The following EXOC6 variants were observed in gnomAD, a reference collection of about 807,000 sequenced individuals.
EXOC6 encodes exocyst complex component 6.
In EXOC6, 60 loss-of-function variants were observed where a neutral mutation model predicts 112.5. The ratio of observed to expected loss-of-function variants is 0.53; its 90% CI spans 0.43 to 0.66. EXOC6 has a LOEUF of 0.66. Among genes scored for constraint, EXOC6 ranks in the 30% least tolerant of loss-of-function variants. The pLI is 0.00. For synonymous variants in EXOC6, 295 were observed against 308.0 expected (o/e 0.96, Z 0.44); for missense variants, 855 against 957.1 (o/e 0.89, Z 1.41).
intron 20 of EXOC6, among the ~76,000 whole-genome samples, chr10:93,048,082 A>G (rs1381757042): frequency 6.6e-6 from 1 of 152,222 alleles, no homozygotes; most frequent in Non-Finnish European, 1.5e-5. Flanking sequence ...TCTTACGTTC[A>G]GTACTCTCAA....
intron 18 of EXOC6, among the ~76,000 whole-genome samples, chr10:92,994,178 G>T (rs1437194652): frequency 6.6e-6 from 1 of 152,140 alleles, no homozygotes. Flanking sequence ...CATATTGACT[G>T]ACACACAAGT....
At chr10:93,047,174 A>G (rs1846034200) in intron 20 of EXOC6, among the ~76,000 whole-genome samples, 7 of 152,226 alleles carry the variant, frequency 4.6e-5, no homozygotes, top group Admixed American at 4.6e-4. Context: ...GGAATAGGCA[A>G]GACCAATGGC....
chr10:92,891,050 G>A (rs1849475994), intron 1 of EXOC6, among the ~76,000 whole-genome samples: 1 of 152,184 alleles, frequency 6.6e-6, no homozygotes, highest in Non-Finnish European at 1.5e-5. Flanking sequence ...TTAGTCCAGG[G>A]TGATACCAAT....
intron 14 of EXOC6, 122 bp from the exon 15 acceptor site, chr10:92,952,149 AAC>A (rs1351382463): frequency 1.8e-5 from 11 of 613,912 alleles, no homozygotes; most frequent in Admixed American, 3.1e-5. Context: ...GTAGAAATAT[AAC>A]AGAGTTTTTG....
intron 19 of EXOC6, among the ~76,000 whole-genome samples, chr10:93,001,813 C>G (rs772854684): frequency 1.3e-5 from 2 of 152,190 alleles, no homozygotes; most frequent in Non-Finnish European, 2.9e-5. Flanking sequence ...ATGAAAACAG[C>G]TCTTACATGT....
At chr10:92,846,501 G>C (rs1847057975), upstream of EXOC6, among the ~76,000 whole-genome samples, 1 of 152,132 alleles carries the variant, frequency 6.6e-6, no homozygotes, top group South Asian at 2.1e-4. Flanking sequence ...AGAAGTTCTT[G>C]AGAGGGGAAA....
At chr10:93,038,476 A>G (rs1161254023) in intron 20 of EXOC6, among the ~76,000 whole-genome samples, 2 of 152,198 alleles carry the variant, frequency 1.3e-5, no homozygotes, top group African/African-American at 4.8e-5. Context: ...TTCTAATCCT[A>G]TTTTACATAT....
At chr10:92,926,086 AG>A (rs1205027072) in intron 8 of EXOC6, among the ~76,000 whole-genome samples, 2 of 151,514 alleles carry the variant, frequency 1.3e-5, no homozygotes, top group African/African-American at 4.8e-5. Flanking sequence ...CTAAGTCTGC[AG>A]GTCAGAATTT....
intron 17 of EXOC6, among the ~76,000 whole-genome samples, chr10:92,960,614 A>G (rs1214570480): frequency 6.6e-6 from 1 of 151,292 alleles, no homozygotes; most frequent in African/African-American, 2.4e-5. Flanking sequence ...AAAAAGGCGA[A>G]CACACTTGTA....
At chr10:92,951,876 A>G (rs1282392766) in intron 14 of EXOC6, among the ~76,000 whole-genome samples, 1 of 152,204 alleles carries the variant, frequency 6.6e-6, no homozygotes, top group Non-Finnish European at 1.5e-5. Context: ...TCTTAGAATT[A>G]TTTAATGACT....
intron 18 of EXOC6, among the ~76,000 whole-genome samples, chr10:92,976,048 G>A (rs1487935358): frequency 3.3e-5 from 4 of 122,696 alleles, no homozygotes; most frequent in African/African-American, 1.0e-4. Context: ...AGGGAGGTGG[G>A]GGGGGGGGTC....
At chr10:93,025,442 T>C (rs1184879235) in intron 20 of EXOC6, among the ~76,000 whole-genome samples, 1 of 152,218 alleles carries the variant, frequency 6.6e-6, no homozygotes, top group Non-Finnish European at 1.5e-5. Context: ...GGACATTTAA[T>C]TTAAAGCTTA....
chr10:92,999,471 A>G (rs1214386619), intron 19 of EXOC6: 1 of 282,646 alleles, frequency 3.5e-6, no homozygotes, highest in Non-Finnish European at 6.9e-6. Context: ...TCATTCCAGT[A>G]TGACATTGTC....
chr10:92,973,186 C>G (rs1004456041), intron 17 of EXOC6, among the ~76,000 whole-genome samples: 8 of 152,188 alleles, frequency 5.3e-5, no homozygotes, highest in Non-Finnish European at 1.0e-4. Flanking sequence ...CCAGATAGGT[C>G]AAATAATGAT....
intron 20 of EXOC6, among the ~76,000 whole-genome samples, chr10:93,031,643 G>A (rs1485631987): frequency 9.2e-5 from 14 of 151,502 alleles, no homozygotes. Context: ...CTCCCGAGCA[G>A]CTGGGATTAC....
intron 20 of EXOC6, among the ~76,000 whole-genome samples, chr10:93,024,373 A>C (rs1658913093): frequency 6.6e-6 from 1 of 152,148 alleles, no homozygotes; most frequent in Non-Finnish European, 1.5e-5. Flanking sequence ...AAGTCAGGTA[A>C]GTTTGGGAAG....
At chr10:93,022,007 T>A (rs1844815694) in intron 20 of EXOC6, among the ~76,000 whole-genome samples, 1 of 152,186 alleles carries the variant, frequency 6.6e-6, no homozygotes, top group Admixed American at 6.5e-5. Flanking sequence ...AGATAGATGG[T>A]TGGTTTAATG....
intron 12 of EXOC6, among the ~76,000 whole-genome samples, chr10:92,940,086 A>G (rs1234329845): frequency 3.3e-5 from 5 of 152,086 alleles, no homozygotes; most frequent in Non-Finnish European, 7.4e-5. Flanking sequence ...GACATAATAG[A>G]GTAAGAAGTT....
At chr10:93,043,672 C>T (rs1462928503) in intron 20 of EXOC6, among the ~76,000 whole-genome samples, 2 of 152,144 alleles carry the variant, frequency 1.3e-5, no homozygotes, top group East Asian at 3.9e-4. Flanking sequence ...TTAGGTTATC[C>T]AGAGGTCAGG....
Sources: allele counts gnomAD v4.1 joint callset (sites outside exome capture counted in the v4.1 genomes callset), GRCh38; gene constraint gnomAD v4.1.1; transcripts MANE v1.5; gene names NCBI Gene and HGNC (gene_info 2026-07-23, HGNC 2026-07-21).